The following LUC7L variants were observed in gnomAD, a reference collection of about 807,000 sequenced individuals.
LUC7L encodes the protein LUC7 like.
In LUC7L, 29 loss-of-function variants were observed where a neutral mutation model predicts 51.1. The ratio of observed to expected loss-of-function variants is 0.57; its 90% CI spans 0.42 to 0.77. The LOEUF is 0.77. Among genes scored for constraint, LUC7L ranks in the 30% least tolerant of loss-of-function variants. The pLI, the probability that LUC7L is intolerant of heterozygous loss-of-function variation, is 0.00. For synonymous variants in LUC7L, 181 were observed against 180.7 expected (o/e 1.00, Z -0.01); for missense variants, 403 against 511.9 (o/e 0.79, Z 2.05).
intron 3 of LUC7L, among the ~76,000 whole-genome samples, chr16:219,771 CTG>C (rs2049913288): frequency 6.6e-6 from 1 of 151,864 alleles, no homozygotes; most frequent in Non-Finnish European, 1.5e-5. Flanking sequence ...CCTCAGGAGG[CTG>C]AGGCAGAATT....
chr16:199,119 G>A lies in LUC7L; in HGVS notation c.630C>T (p.Phe210=), dbSNP rs898594506. 1.7e-5 allele frequency: 27 copies of A among 1,613,488 alleles called. No homozygotes were observed. The highest frequency in any genetic ancestry group is 1.6e-4 in the Middle Eastern group (1 of 6,082). Residue 210 remains phenylalanine (F), a synonymous_variant, in exon 6 of 10, where the codon TTC becomes TTT. Coordinates refer to ENST00000293872, the MANE Select transcript of LUC7L (RefSeq NM_201412.3). Reference sequence around the variant, plus strand: ...TGAACCCCAAGTGTAACTTGCCACCGAAGTGGTCTGCCAGGCGACGGTCAT... The same window carrying A: ...TGAACCCCAAGTGTAACTTGCCACCAAAGTGGTCTGCCAGGCGACGGTCAT... ...HDNDRRLADH[F]GGKLHLGFIQ...
chr16:201,687 C>T (rs2049336312), intron 5 of LUC7L, among the ~76,000 whole-genome samples: 1 of 150,696 alleles, frequency 6.6e-6, no homozygotes, highest in Admixed American at 6.6e-5. Context: ...GATCCACCCG[C>T]CTCAGCCTCC....
Position 228,710 on chromosome 16 carries a change from G to C in LUC7L, c.61+569C>G, listed in dbSNP as rs1034744794. 4.1e-6 allele frequency: 5 copies of C among 1,213,106 alleles called. No homozygotes were observed. In the South Asian group the frequency reaches 7.3e-5, roughly 18 times the overall value. The allele number at this position is 1,213,106 out of a possible 1,614,324, so 75.1% of individuals were successfully genotyped here. A position where few individuals can be genotyped will look rare whatever the true frequency, so the allele number is the denominator to read the frequency against. The stretch of plus-strand genomic sequence containing the variant: ...ACACAGTACAACCTACCTAACGACT[G>C]TCAAGCGCTGGCTACACAGAGGCTC... On this transcript the variant is annotated intron_variant, in intron 1 of 9. Transcript: ENST00000293872.
chr16:202,564 T>C (rs893492209), intron 5 of LUC7L, among the ~76,000 whole-genome samples: 2 of 152,192 alleles, frequency 1.3e-5, no homozygotes, highest in Non-Finnish European at 2.9e-5. Context: ...AGTAACATGC[T>C]GTACAGGTGT....
intron 3 of LUC7L, among the ~76,000 whole-genome samples, chr16:212,121 C>G (rs1350760758): frequency 6.6e-6 from 1 of 152,116 alleles, no homozygotes; most frequent in Non-Finnish European, 1.5e-5. Context: ...AGGAGAAACC[C>G]CATCTCTACT....
intron 3 of LUC7L, among the ~76,000 whole-genome samples, chr16:216,594 C>T (rs185814914): frequency 1.3e-5 from 2 of 151,820 alleles, no homozygotes; most frequent in East Asian, 3.9e-4. Context: ...TTTGGCCAGG[C>T]TGGTGTTGAA....
chr16:190,365 TC>T (rs1416302924), intron 8 of LUC7L, among the ~76,000 whole-genome samples, 175 bp downstream of exon 8: 1 of 151,956 alleles, frequency 6.6e-6, no homozygotes, highest in African/African-American at 2.4e-5. Context: ...GCCCCGACCT[TC>T]CCTCTCATTA....
intron 2 of LUC7L, among the ~76,000 whole-genome samples, chr16:224,139 C>A (rs1020257423): frequency 6.6e-6 from 1 of 152,088 alleles, no homozygotes; most frequent in African/African-American, 2.4e-5. Context: ...GGAAGCAGAC[C>A]CTAAAACCTG....
At chr16:212,215 C>T (rs2049663881) in intron 3 of LUC7L, among the ~76,000 whole-genome samples, 1 of 152,178 alleles carries the variant, frequency 6.6e-6, no homozygotes, top group African/African-American at 2.4e-5. Flanking sequence ...ATCACTTGAA[C>T]TCGGGAGGCG....
At chr16:201,102 G>T (rs1036993258) in intron 5 of LUC7L, among the ~76,000 whole-genome samples, 1 of 147,128 alleles carries the variant, frequency 6.8e-6, no homozygotes, top group Admixed American at 6.9e-5. Context: ...CCGGGAGTCA[G>T]AGGATGCAGT....
At chr16:208,209 C>A (rs1290578892) in intron 3 of LUC7L, 21 bp from the exon 4 acceptor site, 3 of 1,528,258 alleles carry the variant, frequency 2.0e-6, no homozygotes, top group Non-Finnish European at 2.7e-6. Flanking sequence ...AAAAGCACAG[C>A]GCTATAATCA....
At chr16:200,516 C>A (rs527307400) in intron 5 of LUC7L, among the ~76,000 whole-genome samples, 82 of 151,416 alleles carry the variant, frequency 5.4e-4, no homozygotes, top group Middle Eastern at 6.8e-3. Flanking sequence ...GTGGAGGTTG[C>A]AGTGAGCTGA....
At chr16:200,864 C>G (rs567656248) in intron 5 of LUC7L, among the ~76,000 whole-genome samples, 17 of 151,856 alleles carry the variant, frequency 1.1e-4, no homozygotes, top group African/African-American at 3.9e-4. Flanking sequence ...CCTGGGTGAC[C>G]CTGGCTGACA....
At chr16:196,924 T>C (rs866302646) in intron 6 of LUC7L, among the ~76,000 whole-genome samples, 322 of 150,410 alleles carry the variant, frequency 2.1e-3, no homozygotes, top group African/African-American at 7.5e-3. Context: ...TTTTTTTTTT[T>C]TGAGACAGAG....
rs1206023575 is a variant in LUC7L at position 229,300 on chromosome 16, G to A, written c.40C>T (p.Leu14Phe). Residue 14 changes from leucine (L) to phenylalanine (F), a missense_variant, in exon 1 of 10, where the codon CTC (leucine) becomes TTC (phenylalanine). This residue lies in a region of LUC7L where 182 missense variants were observed against 248.4 expected (regional missense o/e 0.73). Transcript: ENST00000293872. ...QAQMRALLDQ[L>F]MGTARDGDET... ...TCACCGTCCCGAGCCGTGCCCATGAGCTGGTCCAGCAGGGCCCGCATCTGC... is the reference window on the plus strand; with the variant it reads ...TCACCGTCCCGAGCCGTGCCCATGAACTGGTCCAGCAGGGCCCGCATCTGC... 1.9e-6 allele frequency: 3 copies of A among 1,540,960 alleles called. No individual in the cohort carries two copies. Among genetic ancestry groups the A allele is most frequent in the Non-Finnish European group, 2.6e-6 (3 of 1,150,930 alleles).
rs868718265 is a variant in LUC7L at position 223,689 on chromosome 16, A to C, written c.157-2942T>G. Among the ~76,000 whole-genome samples, 6 of 149,064 alleles carry C rather than the reference A, an allele frequency of 4.0e-5. 1 individual carries two copies. The South Asian group carries it at 1.1e-3, about 26-fold the overall frequency. On this transcript the variant is annotated intron_variant, in intron 2 of 9. Coordinates refer to ENST00000293872, the MANE Select transcript of LUC7L (RefSeq NM_201412.3). The stretch of plus-strand genomic sequence containing the variant: ...CTCTGTTTTTTCTTTTTTTTTTTTG[A>C]GGCGGAGTCTCACTCTGTCGCCCAG...
At chr16:220,160 C>T (rs913538428) in intron 3 of LUC7L, 2 of 152,392 alleles carry the variant, frequency 1.3e-5, no homozygotes, top group African/African-American at 2.4e-5. Flanking sequence ...TCCTTATCCA[C>T]GTGACAAGGA....
At chr16:213,265 T>G (rs1223251543) in intron 3 of LUC7L, among the ~76,000 whole-genome samples, 2 of 152,160 alleles carry the variant, frequency 1.3e-5, no homozygotes, top group African/African-American at 4.8e-5. Flanking sequence ...CAGCCAATGA[T>G]GAGGACAGGG....
intron 3 of LUC7L, among the ~76,000 whole-genome samples, chr16:218,593 C>T (rs995351868): frequency 5.9e-5 from 9 of 151,842 alleles, no homozygotes; most frequent in African/African-American, 2.2e-4. Flanking sequence ...TGGTGGCGGG[C>T]ACTTCTAATC....
Sources: gnomAD v4.1 joint callset for allele counts (sites outside exome capture counted in the v4.1 genomes callset) on GRCh38, gnomAD v4.1.1 for gene constraint, gnomAD v4.1.1 regional missense constraint, MANE v1.5 for transcripts, NCBI Gene and HGNC (gene_info 2026-07-23, HGNC 2026-07-21) for gene names.